SLC38A10: variants seen among roughly 807,000 people sequenced by gnomAD.
SLC38A10 encodes solute carrier family 38 member 10.
A neutral mutation model predicts 81.0 loss-of-function variants in SLC38A10; 53 were observed. The ratio of observed to expected loss-of-function variants is 0.65; its 90% CI spans 0.53 to 0.82. The LOEUF is 0.82. Among genes scored for constraint, SLC38A10 ranks in the 40% least tolerant of loss-of-function variants. The pLI, the probability that SLC38A10 is intolerant of heterozygous loss-of-function variation, is 0.00. For synonymous variants in SLC38A10, 665 were observed against 655.3 expected, an observed-to-expected ratio of 1.01 and a Z score of -0.23; for missense variants, 1,471 against 1,545.0, an observed-to-expected ratio of 0.95 and a Z score of 0.80.
Position 81,251,138 on chromosome 17 carries a change from G to A in SLC38A10, c.2065+355C>T, listed in dbSNP as rs563694726. The A allele has an allele frequency of 5.3e-6, 8 of 1,514,902 alleles. No homozygotes were observed. In the East Asian group the frequency reaches 9.1e-5, roughly 17 times the overall value. The allele number at this position is 1,514,902 out of a possible 1,614,324, so 93.8% of individuals were successfully genotyped here. A position where few individuals can be genotyped will look rare whatever the true frequency, so the allele number is the denominator to read the frequency against. On this transcript the variant is annotated intron_variant, in intron 14 of 15. Transcript: ENST00000374759. ...ACACCTGGCTGGCTTTAAATACTCCGAGTGTTAAAACTGTTAACAAACCTG... is the reference window on the plus strand; with the variant it reads ...ACACCTGGCTGGCTTTAAATACTCCAAGTGTTAAAACTGTTAACAAACCTG...
At chr17:81,258,535 G>A (rs1273027711) in intron 11 of SLC38A10, among the ~76,000 whole-genome samples, 2 of 152,112 alleles carry the variant, frequency 1.3e-5, no homozygotes, top group African/African-American at 4.8e-5. Flanking sequence ...GGGACGGGGA[G>A]CCTCCTGCTG....
Position 81,289,691 on chromosome 17 carries a change from C to T in SLC38A10, c.217G>A (p.Ala73Thr). ...CCACCTTGTGGAGAGGGCGCCTCACCCAGGCCGGCGTAGGTCCTCCGCTTG... is the reference window on the plus strand; with the variant it reads ...CCACCTTGTGGAGAGGGCGCCTCACTCAGGCCGGCGTAGGTCCTCCGCTTG... ...LSKRRTYAGL[A>T]FHAYGKAGKM... Residue 73 changes from alanine (A) to threonine (T), a missense_variant and splice_region_variant, in exon 2 of 16, where the codon GCA becomes ACA. Transcript: ENST00000374759. This position sits in a 1 kb window ranked among gnomAD's most constrained non-coding sequence, Gnocchi z 5.9. 6.2e-7 allele frequency: 1 copy of T among 1,605,920 alleles called. No individual in the cohort carries two copies. The highest frequency in any genetic ancestry group is 8.5e-7 in the Non-Finnish European group (1 of 1,177,924).
chr17:81,290,377 G>A (rs747181726), intron 1 of SLC38A10, among the ~76,000 whole-genome samples: 66 of 152,262 alleles, frequency 4.3e-4, no homozygotes, highest in Non-Finnish European at 4.1e-4. Flanking sequence ...TTCAACAAGC[G>A]AATGGATACA....
At position 81,283,460 on chromosome 17, in the gene SLC38A10, G is replaced by A. The variant is rs778383529; in HGVS notation, c.306C>T (p.Val102=). 8.3e-5 allele frequency: 134 copies of A among 1,612,322 alleles called. No individual in the cohort carries two copies. The highest frequency in any genetic ancestry group is 1.1e-4 in the Non-Finnish European group (127 of 1,179,320). The change falls in exon 4 of 16, where the codon GTC becomes GTT. Residue 102 remains valine (V), a synonymous_variant. Transcript: ENST00000374759. This position sits in a 1 kb window ranked among gnomAD's most constrained non-coding sequence, Gnocchi z 4.7. ...LMLGTCIAFY[V]VIGDLGSNFF... is the part of the protein sequence containing the mutation. ...AGTTGGACCCCAAGTCGCCGATCACGACGTAGAAGGCGATGCAGGTGCCCA... is the reference window on the plus strand; with the variant it reads ...AGTTGGACCCCAAGTCGCCGATCACAACGTAGAAGGCGATGCAGGTGCCCA...
At position 81,288,496 on chromosome 17, in the gene SLC38A10, C is replaced by T. The variant is rs564785464; in HGVS notation, c.217+1195G>A. On this transcript the variant is annotated intron_variant, in intron 2 of 15. Transcript: ENST00000374759. The surrounding 1 kb of genome is among the most constrained non-coding windows in gnomAD (Gnocchi z 5.4). ...CAGGCTGGATGCCCCCAGAATGGAA[C>T]GTGGAGCCGAGAGGTGCCGAGCCTG... 6.6e-6 allele frequency among the ~76,000 whole-genome samples: 1 copy of T among 152,286 alleles called. No individual in the cohort carries two copies. The highest frequency in any genetic ancestry group is 1.9e-4 in the East Asian group (1 of 5,178).
chr17:81,286,614 G>A lies in SLC38A10; in HGVS notation c.218-1719C>T, dbSNP rs549253695. On this transcript the variant is annotated intron_variant, in intron 2 of 15. Transcript: ENST00000374759. The surrounding 1 kb of genome is among the most constrained non-coding windows in gnomAD (Gnocchi z 6.0). Reference sequence around the variant, plus strand: ...GGTCCCGGGGACCCAGCCCTCCCCCGAGTGTGGACTCCCAGTGCGGGCCCA... The same window carrying A: ...GGTCCCGGGGACCCAGCCCTCCCCCAAGTGTGGACTCCCAGTGCGGGCCCA... Among the ~76,000 whole-genome samples the A allele has an allele frequency of 3.9e-5, 6 of 152,276 alleles. No homozygotes were observed. The highest frequency in any genetic ancestry group is 1.4e-4 in the African/African-American group (6 of 41,548).
In SLC38A10 at chr17:81,277,177, C is replaced by T. The variant is rs372362993; in HGVS notation, c.627-44G>A. The T allele has an allele frequency of 3.5e-5, 55 of 1,578,538 alleles. No individual in the cohort carries two copies. Among genetic ancestry groups the T allele is most frequent in the Middle Eastern group, 1.8e-4 (1 of 5,436 alleles). ...TTTCACAGCGGACCTGAGAGAGGCA[C>T]GCCCTCCCCAGCGGCTCCACTTCTA... On this transcript the variant is annotated intron_variant, in intron 6 of 15. Coordinates refer to ENST00000374759, the MANE Select transcript of SLC38A10 (RefSeq NM_001037984.3). This position sits in a 1 kb window ranked among gnomAD's most constrained non-coding sequence, Gnocchi z 4.5.
At position 81,253,763 on chromosome 17, in the gene SLC38A10, T is replaced by C. The variant is rs1231205730; in HGVS notation, c.1289-523A>G. ...ACCACCATCACCATCATCATCACCGTCACCATCATCACCATCTCCATCCCT... is the reference window on the plus strand; with the variant it reads ...ACCACCATCACCATCATCATCACCGCCACCATCATCACCATCTCCATCCCT... On this transcript the variant is annotated intron_variant, in intron 11 of 15. Coordinates refer to ENST00000374759, the MANE Select transcript of SLC38A10 (RefSeq NM_001037984.3). The surrounding 1 kb of genome is among the most constrained non-coding windows in gnomAD (Gnocchi z 4.1). Among the ~76,000 whole-genome samples the C allele has an allele frequency of 9.5e-6, 1 of 104,882 alleles. No homozygotes were observed. Among genetic ancestry groups the C allele is most frequent in the African/African-American group, 3.6e-5 (1 of 27,848 alleles). 68.8% of individuals were successfully genotyped at this position (104,882 alleles called of 152,430 possible).
intron 3 of SLC38A10, among the ~76,000 whole-genome samples, chr17:81,284,546 G>A (rs755745985): frequency 2.0e-5 from 3 of 152,150 alleles, no homozygotes; most frequent in Non-Finnish European, 2.9e-5. Flanking sequence ...AGAAAAATAT[G>A]ACATTTGCAA....
intron 2 of SLC38A10, chr17:81,285,294 C>T: frequency 5.7e-6 from 1 of 176,078 alleles, no homozygotes; most frequent in Non-Finnish European, 1.2e-5. Flanking sequence ...GGGTTCAGTG[C>T]CGGTCCCAGG....
In SLC38A10 at chr17:81,270,284, C is replaced by T. The variant is rs190169639; in HGVS notation, c.1131+634G>A. 4.6e-5 allele frequency among the ~76,000 whole-genome samples: 7 copies of T among 152,326 alleles called. No homozygotes were observed. The highest frequency in any genetic ancestry group is 8.8e-5 in the Non-Finnish European group (6 of 68,034). On this transcript the variant is annotated intron_variant, in intron 10 of 15. Coordinates refer to ENST00000374759, the MANE Select transcript of SLC38A10 (RefSeq NM_001037984.3). The surrounding 1 kb of genome is among the most constrained non-coding windows in gnomAD (Gnocchi z 4.0). ...CTTCCTACAGACGCGTGCTCAAATA[C>T]GTCGACATGCTCATGAACACAGATA...
At chr17:81,274,041 C>T (rs1237486626) in intron 8 of SLC38A10, among the ~76,000 whole-genome samples, 12 of 152,356 alleles carry the variant, frequency 7.9e-5, no homozygotes, top group South Asian at 6.2e-4. Context: ...ATACATTTAA[C>T]GCCATTGTCA....
intron 11 of SLC38A10, among the ~76,000 whole-genome samples, chr17:81,259,694 G>T (rs2063003803): frequency 6.6e-6 from 1 of 152,138 alleles, no homozygotes. Flanking sequence ...GGGCGCTGCG[G>T]CCGGGACTCT....
At chr17:81,258,664 G>A (rs1034746244) in intron 11 of SLC38A10, among the ~76,000 whole-genome samples, 5 of 152,100 alleles carry the variant, frequency 3.3e-5, no homozygotes, top group Non-Finnish European at 7.4e-5. Context: ...CAATCCCACC[G>A]ACAGCTCCCA....
At chr17:81,247,097 C>T in intron 14 of SLC38A10, 36 bp from the exon 15 acceptor site, 1 of 1,551,228 alleles carries the variant, frequency 6.4e-7, no homozygotes, top group Non-Finnish European at 8.7e-7. Flanking sequence ...AGTGCCCGGG[C>T]TGCTCATGCA....
intron 12 of SLC38A10, 34 bp from the exon 13 acceptor site, chr17:81,252,717 T>C (rs1463328140): frequency 1.3e-6 from 2 of 1,548,278 alleles, no homozygotes; most frequent in East Asian, 2.2e-5. Context: ...GGGGTCAGGC[T>C]GAGGCCCCTC....
chr17:81,251,182 A>G, intron 14 of SLC38A10: 1 of 1,527,498 alleles, frequency 6.5e-7, no homozygotes, highest in Middle Eastern at 1.8e-4. Flanking sequence ...ACGAAATGGT[A>G]ATCACAAGCC....
At chr17:81,251,242 GT>G (rs2062908487) in intron 14 of SLC38A10, 1 of 1,458,348 alleles carries the variant, frequency 6.9e-7, no homozygotes, top group African/African-American at 2.3e-5. Flanking sequence ...AGATAAAACG[GT>G]AATCACAAGC....
intron 1 of SLC38A10, among the ~76,000 whole-genome samples, chr17:81,292,575 G>A (rs1007950056): frequency 2.0e-5 from 3 of 152,200 alleles, no homozygotes; most frequent in African/African-American, 4.8e-5. Flanking sequence ...GAAGGCTGCC[G>A]TGGAGGAGAC....
Sources: gnomAD v4.1 joint callset for allele counts (sites outside exome capture counted in the v4.1 genomes callset) on GRCh38, gnomAD v4.1.1 for gene constraint, Gnocchi (gnomAD v3.1) non-coding constraint, MANE v1.5 for transcripts, NCBI Gene and HGNC (gene_info 2026-07-23, HGNC 2026-07-21) for gene names.